TRMT11: variants seen among roughly 807,000 people sequenced by gnomAD.
The protein encoded by TRMT11 is tRNA methyltransferase 11, also known as tRNA (guanine(10)-N(2))-methyltransferase TRMT11.
TRMT11 carries 53 observed loss-of-function variants against 62.8 expected under a neutral mutation model. That is an observed-to-expected ratio of 0.84 (90% CI 0.68 to 1.06). The LOEUF (loss-of-function observed/expected upper bound fraction) is 1.06, where lower values mean the gene tolerates loss of function less well. Among genes scored for constraint, TRMT11 ranks in the 50% least tolerant of loss-of-function variants. TRMT11 has a pLI of 0.00. For synonymous variants in TRMT11, 188 were observed against 190.3 expected (o/e 0.99, Z 0.10); for missense variants, 556 against 553.4 (o/e 1.00, Z -0.05).
intron 21 of TRMT11, among the ~76,000 whole-genome samples, chr6:126,144,178 A>T (rs990329634): frequency 7.2e-5 from 11 of 152,216 alleles, no homozygotes; most frequent in African/African-American, 2.2e-4. Context: ...CGTTTTGTAA[A>T]GCTCAGACCA....
intron 17 of TRMT11, among the ~76,000 whole-genome samples, chr6:126,093,585 G>GTATGTATATA (rs1554236807): frequency 2.1e-5 from 1 of 46,666 alleles, no homozygotes; most frequent in African/African-American, 9.4e-5. Context: ...GGATATGTAT[G>GTATGTATATA]TATATATATA....
intron 21 of TRMT11, among the ~76,000 whole-genome samples, chr6:126,151,810 C>CTT (rs1208065219): frequency 2.8e-5 from 2 of 71,076 alleles, no homozygotes; most frequent in Non-Finnish European, 6.0e-5. Flanking sequence ...TCTGTCTTTT[C>CTT]TTTCTTTCTT....
intron 19 of TRMT11, among the ~76,000 whole-genome samples, chr6:126,114,787 A>C (rs1164020920): frequency 6.6e-6 from 1 of 152,074 alleles, no homozygotes; most frequent in Non-Finnish European, 1.5e-5. Flanking sequence ...TCAGCAAAGA[A>C]GATTTTCTCT....
At chr6:126,212,218 G>A in the TRMT11 span, among the ~76,000 whole-genome samples, 26 of 152,214 alleles carry the variant, frequency 1.7e-4, no homozygotes, top group Admixed American at 1.1e-3. Context: ...TGTGAATATC[G>A]CTGCAATATG....
intron 21 of TRMT11, among the ~76,000 whole-genome samples, chr6:126,155,814 A>G (rs766202538): frequency 4.6e-4 from 70 of 152,096 alleles, no homozygotes; most frequent in Non-Finnish European, 8.8e-4. Flanking sequence ...TCTGCCTCCC[A>G]GGTTCACGCC....
chr6:126,164,503 G>A (rs535911181), intron 21 of TRMT11, among the ~76,000 whole-genome samples: 1 of 152,218 alleles, frequency 6.6e-6, no homozygotes, highest in Non-Finnish European at 1.5e-5. Context: ...ACTTGATCCA[G>A]AGCTGAGCTC....
the TRMT11 span, among the ~76,000 whole-genome samples, chr6:126,263,518 C>A: frequency 6.6e-6 from 1 of 152,152 alleles, no homozygotes; most frequent in African/African-American, 2.4e-5. Context: ...TATGTGGATC[C>A]AGATGTATCT....
rs112199085 is a variant in TRMT11, at chr6:126,019,194, C to G, written c.1140-1966C>G. ...CACGCCCAGCTGAAGAATTTTTTAACTGCTATTTTTTAATCTTTTTAGTAT... is the reference window on the plus strand; with the variant it reads ...CACGCCCAGCTGAAGAATTTTTTAAGTGCTATTTTTTAATCTTTTTAGTAT... On this transcript the variant is annotated intron_variant, in intron 11 of 12. Coordinates refer to ENST00000334379, the MANE Select transcript of TRMT11 (RefSeq NM_001031712.3). 7.1e-3 allele frequency among the ~76,000 whole-genome samples: 1,086 copies of G among 152,238 alleles called. 9 individuals carry two copies. Among genetic ancestry groups the G allele is most frequent in the Non-Finnish European group, 9.5e-3 (646 of 68,008 alleles).
chr6:126,144,575 C>G (rs113854464), intron 21 of TRMT11, among the ~76,000 whole-genome samples: 69 of 152,234 alleles, frequency 4.5e-4, no homozygotes, highest in African/African-American at 1.6e-3. Context: ...TGCCTCTCCC[C>G]AAAGCTTTGC....
intron 17 of TRMT11, among the ~76,000 whole-genome samples, chr6:126,106,040 T>C (rs1305971449): frequency 6.6e-6 from 1 of 152,222 alleles, no homozygotes; most frequent in Non-Finnish European, 1.5e-5. Flanking sequence ...ATCCAACAGA[T>C]GGGCTACTGG....
chr6:126,033,799 T>C (rs1311460324), intron 12 of TRMT11, among the ~76,000 whole-genome samples: 1 of 152,122 alleles, frequency 6.6e-6, no homozygotes, highest in African/African-American at 2.4e-5. Context: ...TAAAGAAGGA[T>C]TGCTATGCTC....
the TRMT11 span, among the ~76,000 whole-genome samples, chr6:126,239,995 C>G: frequency 6.6e-6 from 1 of 152,162 alleles, no homozygotes; most frequent in East Asian, 1.9e-4. Flanking sequence ...TCCAGCTGAT[C>G]AAATCAGCTA....
At chr6:126,048,841 A>G (rs560152162) in intron 16 of TRMT11, among the ~76,000 whole-genome samples, 1 of 152,142 alleles carries the variant, frequency 6.6e-6, no homozygotes, top group South Asian at 2.1e-4. Flanking sequence ...CCCTCTTTAG[A>G]GCTATTGGTT....
At chr6:126,197,563 A>G (rs1025775517) in intron 1 of TRMT11, among the ~76,000 whole-genome samples, 5 of 152,158 alleles carry the variant, frequency 3.3e-5, no homozygotes, top group Non-Finnish European at 7.3e-5. Flanking sequence ...GGCCAGTTCA[A>G]TCCATAAAAG....
intron 12 of TRMT11, among the ~76,000 whole-genome samples, chr6:126,034,970 T>C (rs1016370680): frequency 6.6e-6 from 1 of 151,614 alleles, no homozygotes. Context: ...ATATGTAGAG[T>C]TGAATATCAT....
chr6:126,138,376 C>A (rs565218322), intron 21 of TRMT11, among the ~76,000 whole-genome samples: 5 of 152,018 alleles, frequency 3.3e-5, no homozygotes, highest in Admixed American at 3.3e-4. Flanking sequence ...TTACTACAGT[C>A]AATTTTGTCA....
intron 11 of TRMT11, among the ~76,000 whole-genome samples, chr6:126,014,734 T>C (rs1794734771): frequency 6.6e-6 from 1 of 152,220 alleles, no homozygotes; most frequent in South Asian, 2.1e-4. Context: ...AGAGAATACA[T>C]TTGTACCCAG....
intron 7 of TRMT11, among the ~76,000 whole-genome samples, chr6:126,004,722 GTACAAA>G (rs1793085654): frequency 6.6e-6 from 1 of 151,862 alleles, no homozygotes; most frequent in South Asian, 2.1e-4. Context: ...TATTTTAAAG[GTACAAA>G]ATTGAAATGT....
At chr6:126,108,668 T>A (rs1388228421) in intron 17 of TRMT11, among the ~76,000 whole-genome samples, 4 of 152,176 alleles carry the variant, frequency 2.6e-5, no homozygotes, top group African/African-American at 9.6e-5. Flanking sequence ...TCATTGAATG[T>A]GGTGCTCTAG....
Sources: gnomAD v4.1 joint callset for allele counts (sites outside exome capture counted in the v4.1 genomes callset) on GRCh38, gnomAD v4.1.1 for gene constraint, MANE v1.5 for transcripts, NCBI Gene and HGNC (gene_info 2026-07-23, HGNC 2026-07-21) for gene names.